Variants in GRIK1 observed in about 807,000 individuals in gnomAD.
The protein encoded by GRIK1 is glutamate receptor ionotropic, kainate 1.
In GRIK1, 69 loss-of-function variants were observed where a neutral mutation model predicts 105.7. That is an observed-to-expected ratio of 0.65 (90% CI 0.54 to 0.80). The LOEUF (loss-of-function observed/expected upper bound fraction) is 0.80. Among genes scored for constraint, GRIK1 ranks in the 30% least tolerant of loss-of-function variants. GRIK1 has a pLI of 0.00. For missense variants in GRIK1, 1,109 were observed against 1,167.3 expected (o/e 0.95, Z 0.73); for synonymous variants, 438 against 431.3 (o/e 1.02, Z -0.19).
intron 1 of GRIK1, among the ~76,000 whole-genome samples, chr21:29,793,647 A>T (rs1169908296): frequency 6.6e-6 from 1 of 152,180 alleles, no homozygotes; most frequent in Non-Finnish European, 1.5e-5. Flanking sequence ...TAATAATGTG[A>T]CCATCACCGG....
At chr21:29,736,888 A>T (rs181302470) in intron 1 of GRIK1, among the ~76,000 whole-genome samples, 114 of 152,134 alleles carry the variant, frequency 7.5e-4, no homozygotes, top group East Asian at 3.9e-3. Flanking sequence ...CATGTTGGTC[A>T]GGCTGGTCTC....
intron 7 of GRIK1, among the ~76,000 whole-genome samples, chr21:29,624,207 A>G (rs1050807549): frequency 6.6e-6 from 1 of 152,142 alleles, no homozygotes. Flanking sequence ...ATGCAGAAAA[A>G]TGTTTATTTT....
chr21:29,704,292 A>G (rs546053012), intron 1 of GRIK1, among the ~76,000 whole-genome samples: 2 of 152,284 alleles, frequency 1.3e-5, no homozygotes, highest in African/African-American at 4.8e-5. Flanking sequence ...GAAAGTAGGT[A>G]TAGTAGTCAA....
At chr21:29,741,924 G>A (rs2064939230) in intron 1 of GRIK1, among the ~76,000 whole-genome samples, 1 of 152,154 alleles carries the variant, frequency 6.6e-6, no homozygotes, top group South Asian at 2.1e-4. Flanking sequence ...CCAGGCCTTT[G>A]CTGAGAGAAG....
rs1453875148 is a variant in GRIK1 at position 29,659,727 on chromosome 21, G to A, written c.727-4864C>T. ...TGTAATCCCAGCACTTTGGGAGGCCGAGTTGGACGGATCACCTGAGGTCGG... is the reference window on the plus strand; with the variant it reads ...TGTAATCCCAGCACTTTGGGAGGCCAAGTTGGACGGATCACCTGAGGTCGG... On this transcript the variant is annotated intron_variant, in intron 4 of 17. Coordinates refer to ENST00000327783, the MANE Select transcript of GRIK1 (RefSeq NM_001330994.2). Among the ~76,000 whole-genome samples, 13 of 152,176 alleles carry A rather than the reference G, an allele frequency of 8.5e-5. No homozygotes were observed. The East Asian group carries it at 1.3e-3, about 16-fold the overall frequency.
intron 1 of GRIK1, among the ~76,000 whole-genome samples, chr21:29,708,446 A>G (rs578194175): frequency 1.6e-3 from 241 of 152,372 alleles, no homozygotes; most frequent in African/African-American, 5.3e-3. Flanking sequence ...GTTTACATTT[A>G]TAATTACAAA....
rs112754765 is a variant in GRIK1 at position 29,626,608 on chromosome 21, A to G, written c.1098+16218T>C. On this transcript the variant is annotated intron_variant, in intron 7 of 17. Transcript: ENST00000327783. Reference sequence around the variant, plus strand: ...CACTTCTCCTTTTATTTGTATTTCAAATAGAACTTGTATTAATAGGGCACT... The same window carrying G: ...CACTTCTCCTTTTATTTGTATTTCAGATAGAACTTGTATTAATAGGGCACT... Among the ~76,000 whole-genome samples the G allele has an allele frequency of 7.9e-5, 12 of 152,278 alleles. 1 individual carries two copies. The highest frequency in any genetic ancestry group is 2.6e-4 in the African/African-American group (11 of 41,548).
chr21:29,585,329 G>A (rs563836769), intron 12 of GRIK1, among the ~76,000 whole-genome samples: 56 of 152,170 alleles, frequency 3.7e-4, no homozygotes, highest in Non-Finnish European at 6.0e-4. Flanking sequence ...CTATTGAATG[G>A]CGTGCCATTC....
chr21:29,658,042 C>T (rs2062888017), intron 4 of GRIK1, among the ~76,000 whole-genome samples: 1 of 152,168 alleles, frequency 6.6e-6, no homozygotes, highest in South Asian at 2.1e-4. Flanking sequence ...CCAAATGGTG[C>T]TGACCTAGGC....
chr21:29,795,489 A>T (rs2145836123), intron 1 of GRIK1, among the ~76,000 whole-genome samples: 1 of 152,306 alleles, frequency 6.6e-6, no homozygotes, highest in East Asian at 1.9e-4. Context: ...CTCTCTGGGT[A>T]ACCTGTGATA....
Position 29,576,972 on chromosome 21 carries a change from A to G in GRIK1, c.2122T>C (p.Phe708Leu). The change falls in exon 14 of 18, where the codon TTC (phenylalanine) becomes CTC (leucine). Residue 708 changes from phenylalanine (F) to leucine (L), a missense_variant. Around this residue, in one of 5 missense-constraint regions of GRIK1, gnomAD observed 264 missense variants for 306.9 expected, o/e 0.86. Coordinates refer to ENST00000327783, the MANE Select transcript of GRIK1 (RefSeq NM_001330994.2). ...CTTTGTCAGCTTCTTACCTTGAAGA[A>G]GGTCATTGTTGATCCATCTCTAACC... Reference protein sequence around the residue: ...GAVRDGSTMTFFKKSKISTYE... With the variant: ...GAVRDGSTMTLFKKSKISTYE... The G allele has an allele frequency of 6.3e-7, 1 of 1,587,274 alleles. No homozygotes were observed. Among genetic ancestry groups the G allele is most frequent in the Non-Finnish European group, 8.6e-7 (1 of 1,156,672 alleles).
intron 3 of GRIK1, 103 bp downstream of exon 3, chr21:29,689,625 G>A (rs746716786): frequency 1.5e-5 from 14 of 941,998 alleles, no homozygotes; most frequent in African/African-American, 8.2e-5. Context: ...ATATAAAAGA[G>A]CATTTTTATG....
chr21:29,640,546 G>A (rs954585164), intron 7 of GRIK1, among the ~76,000 whole-genome samples: 1 of 152,172 alleles, frequency 6.6e-6, no homozygotes, highest in Admixed American at 6.5e-5. Context: ...TCTTTGGAGT[G>A]AATGAATATA....
At chr21:29,710,262 G>T (rs2064012042) in intron 1 of GRIK1, among the ~76,000 whole-genome samples, 1 of 151,998 alleles carries the variant, frequency 6.6e-6, no homozygotes. Flanking sequence ...ATATGTTGCT[G>T]AATGTGATTT....
At chr21:29,632,630 T>C (rs2062306372) in intron 7 of GRIK1, among the ~76,000 whole-genome samples, 1 of 152,176 alleles carries the variant, frequency 6.6e-6, no homozygotes, top group Non-Finnish European at 1.5e-5. Flanking sequence ...TAAACATGTG[T>C]GCACCTGTGT....
At chr21:29,665,244 T>G (rs1406851487) in intron 4 of GRIK1, among the ~76,000 whole-genome samples, 4 of 152,134 alleles carry the variant, frequency 2.6e-5, no homozygotes, top group Non-Finnish European at 5.9e-5. Context: ...TTTAGTAAAT[T>G]GTTGGTTATC....
At position 29,625,745 on chromosome 21, in the gene GRIK1, T is replaced by C. The variant is rs568919515; in HGVS notation, c.1098+17081A>G. Among the ~76,000 whole-genome samples the C allele has an allele frequency of 4.6e-5, 7 of 152,342 alleles. No homozygotes were observed. The South Asian group carries it at 1.5e-3, about 32-fold the overall frequency. Reference sequence around the variant, plus strand: ...AAAGTTAGGGACCATGTCTCTCTTGTCTTATTAGTACAATTCCTGCCAGCA... The same window carrying C: ...AAAGTTAGGGACCATGTCTCTCTTGCCTTATTAGTACAATTCCTGCCAGCA... On this transcript the variant is annotated intron_variant, in intron 7 of 17. Coordinates refer to ENST00000327783, the MANE Select transcript of GRIK1 (RefSeq NM_001330994.2).
chr21:29,822,513 G>GC (rs2067333216), intron 1 of GRIK1, among the ~76,000 whole-genome samples: 1 of 151,960 alleles, frequency 6.6e-6, no homozygotes. Flanking sequence ...GCTCAGAATA[G>GC]ACGGCCCCTC....
chr21:29,656,941 C>T (rs907312804), intron 4 of GRIK1, among the ~76,000 whole-genome samples: 2 of 152,106 alleles, frequency 1.3e-5, no homozygotes, highest in African/African-American at 2.4e-5. Context: ...GTCACTCCTA[C>T]GGTGACAACA....
Sources: allele counts gnomAD v4.1 joint callset (sites outside exome capture counted in the v4.1 genomes callset), GRCh38; gene constraint gnomAD v4.1.1; regional missense constraint gnomAD v4.1.1; transcripts MANE v1.5; gene names NCBI Gene and HGNC (gene_info 2026-07-23, HGNC 2026-07-21).